The following UBN2 variants were observed in gnomAD, a reference collection of about 807,000 sequenced individuals.
UBN2 encodes the protein ubinuclein 2, also known as ubinuclein-2.
Under a neutral mutation model 120.2 loss-of-function variants are expected in UBN2, and 35 were observed. The observed-to-expected ratio is 0.29, with a 90% CI of 0.22 to 0.39. UBN2 has a LOEUF of 0.39. Among genes scored for constraint, UBN2 ranks in the 10% least tolerant of loss-of-function variants. The probability of loss-of-function intolerance (pLI) is 1.00; values close to 1 mark genes in which losing one functional copy is unlikely to be tolerated. For missense variants in UBN2, 1,693 were observed against 1,663.2 expected (o/e 1.02, Z -0.31); for synonymous variants, 661 against 648.7 (o/e 1.02, Z -0.29).
chr7:139,272,649 C>T (rs745738603), intron 9 of UBN2, among the ~76,000 whole-genome samples: 4 of 152,112 alleles, frequency 2.6e-5, no homozygotes, highest in Non-Finnish European at 5.9e-5. Context: ...GCCTCAGCCT[C>T]ACAAGTAGCT....
chr7:139,246,818 T>C (rs1796481908), intron 2 of UBN2, among the ~76,000 whole-genome samples: 1 of 152,210 alleles, frequency 6.6e-6, no homozygotes, highest in Admixed American at 6.5e-5. Context: ...TGGAATCTCA[T>C]GTCTTCTGCG....
intron 13 of UBN2, 48 bp downstream of exon 13, chr7:139,279,408 G>A (rs2131026464): frequency 7.1e-7 from 1 of 1,400,754 alleles, no homozygotes; most frequent in Non-Finnish European, 1.0e-6. Context: ...GGTGAATGTT[G>A]AAATACATTC....
At chr7:139,321,823 A>G in the UBN2 span, among the ~76,000 whole-genome samples, 1 of 152,174 alleles carries the variant, frequency 6.6e-6, no homozygotes, top group African/African-American at 2.4e-5. Flanking sequence ...CAGGCCAGGG[A>G]CAGCAGCCAG....
the UBN2 span, among the ~76,000 whole-genome samples, chr7:139,313,353 G>A: frequency 1.3e-5 from 2 of 152,026 alleles, no homozygotes; most frequent in East Asian, 3.8e-4. Flanking sequence ...TTTTATAGCT[G>A]TTGCTTCCAT....
downstream of UBN2, among the ~76,000 whole-genome samples, chr7:139,309,178 A>C (rs1798414109): frequency 6.6e-6 from 1 of 152,268 alleles, no homozygotes. Flanking sequence ...AGAAAATATC[A>C]AAAAGGTTCT....
At chr7:139,282,197 T>G (rs1797634506) in intron 14 of UBN2, 142 bp downstream of exon 14, 1 of 588,204 alleles carries the variant, frequency 1.7e-6, no homozygotes, top group Admixed American at 3.2e-5. Context: ...ATAAAATGAG[T>G]CAAATACTTT....
At chr7:139,258,935 T>C (rs553627577) in intron 4 of UBN2, among the ~76,000 whole-genome samples, 3 of 152,304 alleles carry the variant, frequency 2.0e-5, no homozygotes, top group African/African-American at 7.2e-5. Flanking sequence ...TAAGATGTCA[T>C]TTTTAACAAA....
In UBN2 at chr7:139,300,581, G is replaced by GA. The variant is rs1798230783; in HGVS notation, c.*2748dup. The GA allele has an allele frequency of 6.6e-6, 1 of 152,132 alleles. No homozygotes were observed. The highest frequency in any genetic ancestry group is 1.5e-5 in the Non-Finnish European group (1 of 68,028). The allele number at this position is 152,132 out of a possible 1,614,324, so 9.4% of individuals were successfully genotyped here. ...TATTTTTTAAAATGGTGAGTCATTGGAAAGGATATCTATAGAGCAACGTGT... is the reference window on the plus strand; with the variant it reads ...TATTTTTTAAAATGGTGAGTCATTGGAAAAGGATATCTATAGAGCAACGTGT... On this transcript the variant is annotated 3_prime_UTR_variant, in exon 18 of 18. Transcript: ENST00000473989.
In UBN2 at chr7:139,293,422, C is replaced by T. The variant is rs1798019994; in HGVS notation, c.3860C>T (p.Ser1287Leu). Residue 1287 changes from serine to leucine, a missense_variant, in exon 16 of 18, where the codon TCG (serine) becomes TTG (leucine). Coordinates refer to ENST00000473989, the MANE Select transcript of UBN2 (RefSeq NM_173569.4). ...GTDTAGVTTT[S>L]GSTSAAFHHS... ...GACACAGCTGGAGTGACAACCACCT[C>T]GGGATCTACCTCAGCCGCTTTCCAC... 5 of 1,614,006 alleles carry T rather than the reference C, an allele frequency of 3.1e-6. No homozygotes were observed. Among genetic ancestry groups the T allele is most frequent in the African/African-American group, 2.7e-5 (2 of 74,918 alleles).
At position 139,283,348 on chromosome 7, in the gene UBN2, C is replaced by T. The variant is rs758029759; in HGVS notation, c.2443C>T (p.Leu815=). Residue 815 remains leucine, a synonymous_variant, in exon 15 of 18, where the codon CTA becomes TTA. Coordinates refer to ENST00000473989, the MANE Select transcript of UBN2 (RefSeq NM_173569.4). ...KLASIMSKLP[L]ATPKKLDSTQ... is the part of the protein sequence containing the mutation. ...AGCAAGTATCATGAGTAAGCTGCCA[C>T]TAGCTACTCCCAAAAAACTAGATTC... The T allele has an allele frequency of 1.9e-6, 3 of 1,614,016 alleles. No individual in the cohort carries two copies. Among genetic ancestry groups the T allele is most frequent in the Non-Finnish European group, 8.5e-7 (1 of 1,180,012 alleles).
chr7:139,258,423 T>A (rs925281242), intron 3 of UBN2, 65 bp from the exon 4 acceptor site: 7 of 1,311,522 alleles, frequency 5.3e-6, no homozygotes, highest in Non-Finnish European at 6.0e-6. Context: ...TGGATGAATT[T>A]CTTTGACATT....
At chr7:139,268,856 T>C (rs1233408870) in intron 7 of UBN2, among the ~76,000 whole-genome samples, 1 of 152,262 alleles carries the variant, frequency 6.6e-6, no homozygotes, top group Non-Finnish European at 1.5e-5. Flanking sequence ...TTCATGGTTA[T>C]TGAAGTTCTA....
At chr7:139,313,921 T>C in the UBN2 span, among the ~76,000 whole-genome samples, 1 of 151,320 alleles carries the variant, frequency 6.6e-6, no homozygotes, top group East Asian at 2.0e-4. Flanking sequence ...CAATCTCAGC[T>C]CATTGCAACC....
chr7:139,324,325 T>C, the UBN2 span, among the ~76,000 whole-genome samples: 10 of 144,352 alleles, frequency 6.9e-5, no homozygotes, highest in Non-Finnish European at 4.4e-5. Flanking sequence ...ATCCCAGCAC[T>C]TTGGGAGGCC....
intron 15 of UBN2, among the ~76,000 whole-genome samples, chr7:139,286,514 A>G (rs1797793688): frequency 6.6e-6 from 1 of 152,088 alleles, no homozygotes; most frequent in African/African-American, 2.4e-5. Flanking sequence ...ATGTATGTTC[A>G]TTGAAGGCAA....
intron 15 of UBN2, among the ~76,000 whole-genome samples, chr7:139,291,135 C>T (rs1371797426): frequency 2.0e-5 from 3 of 151,686 alleles, no homozygotes; most frequent in African/African-American, 7.3e-5. Flanking sequence ...CTGAGGCAGG[C>T]GGATCACTTG....
At position 139,231,618 on chromosome 7, in the gene UBN2, A is replaced by G; in HGVS notation, c.134A>G (p.Glu45Gly). Reference sequence around the variant, plus strand: ...CGGCTGGAGCCGCAGCCGTACCGCGAGCCGGCCCGGGCGGAGCCGCCGGCC... The same window carrying G: ...CGGCTGGAGCCGCAGCCGTACCGCGGGCCGGCCCGGGCGGAGCCGCCGGCC... ...PPRLEPQPYR[E>G]PARAEPPAPR... is the part of the protein sequence containing the mutation. Residue 45 changes from glutamate to glycine, a missense_variant, in exon 1 of 18, where the codon GAG (glutamate) becomes GGG (glycine). Physicochemically the swap from Glu to Gly is moderately conservative, Grantham distance 98. Transcript: ENST00000473989. 7.5e-7 allele frequency: 1 copy of G among 1,332,646 alleles called. No homozygotes were observed. The highest frequency in any genetic ancestry group is 9.7e-7 in the Non-Finnish European group (1 of 1,035,048). The allele number at this position is 1,332,646 out of a possible 1,614,324, so 82.6% of individuals were successfully genotyped here. A position where few individuals can be genotyped will look rare whatever the true frequency, so the allele number is the denominator to read the frequency against.
Position 139,261,354 on chromosome 7 carries a change from T to G in UBN2, c.1008T>G (p.Asp336Glu). 1 of 1,614,188 alleles carries G rather than the reference T, an allele frequency of 6.2e-7. No individual in the cohort carries two copies. The highest frequency in any genetic ancestry group is 1.6e-4 in the Middle Eastern group (1 of 6,062). Reference sequence around the variant, plus strand: ...TTAGAAAATTCCAGAAAGAGAAGGATGCATTAAAGAAGGAGTCTAACCCCA... The same window carrying G: ...TTAGAAAATTCCAGAAAGAGAAGGAGGCATTAAAGAAGGAGTCTAACCCCA... ...AMIRKFQKEK[D>E]ALKKESNPKV... Residue 336 changes from aspartate to glutamate, a missense_variant, in exon 6 of 18, where the codon GAT (aspartate) becomes GAG (glutamate). Around this residue, in one of 5 missense-constraint regions of UBN2, gnomAD observed 663 missense variants for 591.2 expected, o/e 1.12. Coordinates refer to ENST00000473989, the MANE Select transcript of UBN2 (RefSeq NM_173569.4).
rs772872373 is a variant in UBN2 at position 139,283,677 on chromosome 7, A to G, written c.2772A>G (p.Thr924=). 8 of 1,613,990 alleles carry G rather than the reference A, an allele frequency of 5.0e-6. No individual in the cohort carries two copies. The African/African-American group carries it at 9.3e-5, about 19-fold the overall frequency. ...AGGCCCAAGATGCTTCTTCGTTAAC[A>G]CAAGTAACAAAGGTGCACCAGCATT... ...TSEAQDASSL[T]QVTKVHQHSA... is the part of the protein sequence containing the mutation. The change falls in exon 15 of 18, where the codon ACA becomes ACG. Residue 924 remains threonine (T), a synonymous_variant. Transcript: ENST00000473989.
Sources: gnomAD v4.1 joint callset for allele counts (sites outside exome capture counted in the v4.1 genomes callset) on GRCh38, gnomAD v4.1.1 for gene constraint, gnomAD v4.1.1 regional missense constraint, MANE v1.5 for transcripts, NCBI Gene and HGNC (gene_info 2026-07-23, HGNC 2026-07-21) for gene names.